Variants in IFT140 observed in about 807,000 individuals in gnomAD.
The protein encoded by IFT140 is intraflagellar transport protein 140 homolog.
IFT140 carries 133 observed loss-of-function variants against 164.6 expected under a neutral mutation model. The ratio of observed to expected loss-of-function variants is 0.81; its 90% CI spans 0.70 to 0.93. The LOEUF is 0.93. Among genes scored for constraint, IFT140 ranks in the 40% least tolerant of loss-of-function variants. The pLI, the probability that IFT140 is intolerant of heterozygous loss-of-function variation, is 0.00. For missense variants in IFT140, 2,045 were observed against 1,972.3 expected (o/e 1.04, Z -0.70); for synonymous variants, 860 against 817.3 (o/e 1.05, Z -0.89).
Position 1,553,593 on chromosome 16 carries a change from C to T in IFT140, c.2399+4342G>A. On this transcript the variant is annotated intron_variant, in intron 19 of 30. Coordinates refer to ENST00000426508, the MANE Select transcript of IFT140 (RefSeq NM_014714.4). The surrounding 1 kb of genome is among the most constrained non-coding windows in gnomAD (Gnocchi z 4.4). ...GACCAGTGTAAGTTACAGAGAGTCT[C>T]TGGCACTTTGGGTACAAGAAACAGA... 1 of 1,027,050 alleles carries T rather than the reference C, an allele frequency of 9.7e-7. No individual in the cohort carries two copies. Among genetic ancestry groups the T allele is most frequent in the South Asian group, 3.8e-5 (1 of 26,420 alleles). The allele number at this position is 1,027,050 out of a possible 1,614,324, so 63.6% of individuals were successfully genotyped here.
At chr16:1,511,628 G>A (rs1163742136) in intron 30 of IFT140, among the ~76,000 whole-genome samples, 1 of 151,860 alleles carries the variant, frequency 6.6e-6, no homozygotes, top group Non-Finnish European at 1.5e-5. Flanking sequence ...GATATAATAA[G>A]CTTGTTGGAT....
chr16:1,600,790 C>T (rs960244873), intron 4 of IFT140, among the ~76,000 whole-genome samples: 5 of 151,590 alleles, frequency 3.3e-5, no homozygotes, highest in East Asian at 1.9e-4. Context: ...CTGCCAAAAA[C>T]GTTTGAAATG....
intron 19 of IFT140, among the ~76,000 whole-genome samples, chr16:1,540,427 C>T (rs923850465): frequency 4.6e-5 from 7 of 152,238 alleles, no homozygotes; most frequent in South Asian, 4.1e-4. Context: ...CCCGTGCACG[C>T]GTGAACCTCG....
At chr16:1,534,325 CA>C in intron 19 of IFT140, 1 of 1,612,804 alleles carries the variant, frequency 6.2e-7, no homozygotes, top group Non-Finnish European at 8.5e-7. Context: ...GCCCTGGTCT[CA>C]CTCATCCTCA....
chr16:1,532,700 G>C (rs1044782724), intron 19 of IFT140: 26 of 152,340 alleles, frequency 1.7e-4, no homozygotes, highest in Admixed American at 1.7e-3. Flanking sequence ...CGAAGCTTTG[G>C]AGCCTGGGTA....
intron 7 of IFT140, among the ~76,000 whole-genome samples, chr16:1,588,619 A>C (rs1387233766): frequency 2.0e-5 from 3 of 152,044 alleles, no homozygotes; most frequent in Non-Finnish European, 4.4e-5. Flanking sequence ...AGTGATCACT[A>C]AGTTGAGCTG....
Position 1,524,848 on chromosome 16 carries a change from T to G in IFT140, c.2933A>C (p.Tyr978Ser). 6.2e-7 allele frequency: 1 copy of G among 1,613,186 alleles called. No individual in the cohort carries two copies. ...QGEMDAALHY[Y>S]ELARDHFSLV... ...GGAGAAGTGGTCCCGGGCCAGCTCG[T>G]AGTAGTGCAGCGCGGCGTCCATCTC... is the stretch of plus-strand genomic sequence containing the variant. The change falls in exon 23 of 31, where the codon TAC (tyrosine) becomes TCC (serine). Residue 978 changes from tyrosine (Y) to serine (S), a missense_variant. Tyr to Ser is a moderately radical substitution (Grantham distance 144). Coordinates refer to ENST00000426508, the MANE Select transcript of IFT140 (RefSeq NM_014714.4).
chr16:1,601,253 GATTCCATCACAAAAAAAAAA>G (rs1567426647), intron 4 of IFT140, among the ~76,000 whole-genome samples: 1 of 138,308 alleles, frequency 7.2e-6, no homozygotes, highest in Non-Finnish European at 1.5e-5. Context: ...GACAGAGCAA[GATTCCATCACAAAAAAAAAA>G]AAAAAAGAGA....
chr16:1,548,523 GT>G (rs1199492585), intron 19 of IFT140, among the ~76,000 whole-genome samples: 3 of 152,234 alleles, frequency 2.0e-5, no homozygotes, highest in Admixed American at 2.0e-4. Flanking sequence ...AGAATTTCGT[GT>G]TTGCTAAAAC....
rs772650132 is a variant in IFT140 at position 1,602,353 on chromosome 16, T to C, written c.369+17A>G. 9.3e-6 allele frequency: 15 copies of C among 1,608,348 alleles called. No individual in the cohort carries two copies. In the South Asian group the frequency reaches 1.5e-4, roughly 17 times the overall value. On this transcript the variant is annotated intron_variant, in intron 4 of 30. Coordinates refer to ENST00000426508, the MANE Select transcript of IFT140 (RefSeq NM_014714.4). The stretch of plus-strand genomic sequence containing the variant: ...GGGTCAAGGTCTGAAAACAGCGTCT[T>C]GCGCGTGTTGACTCACCCTGTCCCC...
chr16:1,512,366 C>T (rs968109481), intron 30 of IFT140, among the ~76,000 whole-genome samples: 1 of 152,048 alleles, frequency 6.6e-6, no homozygotes, highest in Non-Finnish European at 1.5e-5. Context: ...GATATAGGAG[C>T]TGTGGCCTGG....
intron 19 of IFT140, among the ~76,000 whole-genome samples, chr16:1,556,295 C>A (rs2033073737): frequency 6.6e-6 from 1 of 152,248 alleles, no homozygotes; most frequent in Non-Finnish European, 1.5e-5. Flanking sequence ...GGGGTCAAAA[C>A]CGGCCCATGC....
At chr16:1,562,179 T>C in intron 17 of IFT140, 63 bp from the exon 18 acceptor site, 1 of 1,445,914 alleles carries the variant, frequency 6.9e-7, no homozygotes, top group Non-Finnish European at 9.2e-7. Context: ...TTCTGGGGTA[T>C]GAGTGCCATT....
rs199553087 is a variant in IFT140 at position 1,592,185 on chromosome 16, G to T, written c.625C>A (p.Leu209Met). 3.1e-6 allele frequency: 5 copies of T among 1,613,996 alleles called. No homozygotes were observed. Among genetic ancestry groups the T allele is most frequent in the Non-Finnish European group, 4.2e-6 (5 of 1,180,028 alleles). ...SHEGLLFFVS[L>M]MDGTVHYVDE... is the part of the protein sequence containing the mutation. ...AACCAAAGTTCCTCACCGTCCATCA[G>T]ACTGACAAAGAACAACAGCCCCTCG... is the stretch of plus-strand genomic sequence containing the variant. The change falls in exon 6 of 31, where the codon CTG becomes ATG. Residue 209 changes from leucine to methionine, a missense_variant. Coordinates refer to ENST00000426508, the MANE Select transcript of IFT140 (RefSeq NM_014714.4).
rs1343501211 is a variant in IFT140, at chr16:1,562,094, A to G, written c.2090T>C (p.Phe697Ser). 7 of 1,610,290 alleles carry G rather than the reference A, an allele frequency of 4.3e-6. No individual in the cohort carries two copies. The highest frequency in any genetic ancestry group is 2.5e-6 in the Non-Finnish European group (3 of 1,178,404). Residue 697 changes from phenylalanine (F) to serine (S), a missense_variant, in exon 18 of 31, where the codon TTC (phenylalanine) becomes TCC (serine). Coordinates refer to ENST00000426508, the MANE Select transcript of IFT140 (RefSeq NM_014714.4). ...GAAGCCGTGCTCTTCGGAAATGAAG[A>G]AGGACAGGATCAAAACATCTGCCTG... The part of the protein sequence containing the change: ...GPAADVLILS[F>S]FISEEHGFLL...
chr16:1,587,985 C>T lies in IFT140; in HGVS notation c.850G>A (p.Ala284Thr), dbSNP rs778404277. ...ACGAGAAGGCTGCCTTCAATCAAAG[C>T]GATGTCTGCCCGGCGGCCGGTTTTC... ...SGKTGRRADIALIEGSLLVMA... is the reference protein window; with the variant it reads ...SGKTGRRADITLIEGSLLVMA... Residue 284 changes from alanine (A) to threonine (T), a missense_variant, in exon 8 of 31, where the codon GCT becomes ACT. Coordinates refer to ENST00000426508, the MANE Select transcript of IFT140 (RefSeq NM_014714.4). 21 of 1,613,722 alleles carry T rather than the reference C, an allele frequency of 1.3e-5. No individual in the cohort carries two copies. Among genetic ancestry groups the T allele is most frequent in the South Asian group, 1.2e-4 (11 of 91,000 alleles).
intron 19 of IFT140, chr16:1,557,447 T>G (rs1196712783): frequency 6.3e-6 from 1 of 159,450 alleles, no homozygotes; most frequent in East Asian, 1.8e-4. Flanking sequence ...AGTTTCATTC[T>G]TCGATTTTCT....
intron 26 of IFT140, among the ~76,000 whole-genome samples, chr16:1,521,963 C>T (rs893786922): frequency 1.3e-5 from 2 of 151,226 alleles, no homozygotes; most frequent in Non-Finnish European, 2.9e-5. Context: ...TGGCTCACAC[C>T]TGTAATCCCA....
chr16:1,525,131 G>A (rs1329302960), intron 22 of IFT140, 100 bp downstream of exon 22: 1 of 1,215,840 alleles, frequency 8.2e-7, no homozygotes, highest in Non-Finnish European at 1.2e-6. Context: ...GCCCACTCGT[G>A]CAGGAAGCAC....
Sources: allele counts gnomAD v4.1 joint callset (sites outside exome capture counted in the v4.1 genomes callset), GRCh38; gene constraint gnomAD v4.1.1; non-coding constraint Gnocchi (gnomAD v3.1); transcripts MANE v1.5; gene names NCBI Gene and HGNC (gene_info 2026-07-23, HGNC 2026-07-21).